SEPTIN6: variants seen among roughly 807,000 people sequenced by gnomAD.
SEPTIN6 encodes septin-6.
Under a neutral mutation model 33.6 loss-of-function variants are expected in SEPTIN6, and 8 were observed. That is an observed-to-expected ratio of 0.24 (90% CI 0.14 to 0.43). SEPTIN6 has a LOEUF of 0.43. SEPTIN6 is among the 20% of genes least tolerant of loss of function. The pLI, the probability that SEPTIN6 is intolerant of heterozygous loss-of-function variation, is 1.00. For synonymous variants in SEPTIN6, 131 were observed against 140.0 expected (o/e 0.94, Z 0.45); for missense variants, 250 against 340.8 (o/e 0.73, Z 2.10).
intron 3 of SEPTIN6, among the ~76,000 whole-genome samples, chrX:119,658,612 C>T (rs2054491414): frequency 8.9e-6 from 1 of 112,069 alleles, no homozygotes; most frequent in African/African-American, 3.2e-5. Context: ...ATAGATACTG[C>T]CAAATTTGCC....
chrX:119,691,754 CT>C (rs1228965542), intron 1 of SEPTIN6, among the ~76,000 whole-genome samples: 4 of 110,855 alleles, frequency 3.6e-5, no homozygotes, highest in Admixed American at 2.9e-4. Context: ...TACCTAGAGG[CT>C]TTTTTTTTGT....
In SEPTIN6 at chrX:119,618,657, G is replaced by A. The variant is rs1221639271; in HGVS notation, c.*1436C>T. ...GCTTGAAGTACATGGCAGGATAGGGGTGGGGGGCCTCGCTGCCTGGCACCC... is the reference window on the plus strand; with the variant it reads ...GCTTGAAGTACATGGCAGGATAGGGATGGGGGGCCTCGCTGCCTGGCACCC... On this transcript the variant is annotated 3_prime_UTR_variant, in exon 11 of 11. Transcript: ENST00000394610. 7.7e-6 allele frequency: 9 copies of A among 1,173,373 alleles called. No homozygotes were observed. In the East Asian group the frequency reaches 1.2e-4, roughly 16 times the overall value.
chrX:119,658,227 C>A (rs967712004), intron 3 of SEPTIN6, among the ~76,000 whole-genome samples: 4 of 112,289 alleles, frequency 3.6e-5, no homozygotes, highest in Non-Finnish European at 7.5e-5. Context: ...CATCTACGCA[C>A]ATAAATAGAG....
chrX:119,620,169 G>T (rs2053725484), intron 10 of SEPTIN6, 118 bp from the exon 11 acceptor site: 2 of 571,951 alleles, frequency 3.5e-6, no homozygotes, highest in African/African-American at 4.7e-5. Flanking sequence ...ATATAGCTAT[G>T]TTAGATGGTC....
In SEPTIN6 at chrX:119,629,401, T is replaced by A. The variant is rs1303393531; in HGVS notation, c.1197A>T (p.Arg399Ser). 1.6e-5 allele frequency: 19 copies of A among 1,210,053 alleles called. No individual in the cohort carries two copies. Among genetic ancestry groups the A allele is most frequent in the Non-Finnish European group, 2.1e-5 (19 of 895,142 alleles). ...LDDEVNAFKQ[R>S]KTAAELLQSQ... ...ACTGGAGCAGCTCAGCCGCCGTCTT[T>A]CTTTGCTTGAAAGCATTCACTTCAT... The change falls in exon 9 of 11, where the codon AGA becomes AGT. Residue 399 changes from arginine to serine, a missense_variant. Physicochemically the swap from Arg to Ser is moderately radical, Grantham distance 110 (BLOSUM62 -1). Around this residue, in one of 2 missense-constraint regions of SEPTIN6, gnomAD observed 139 missense variants for 227.0 expected, o/e 0.61. Coordinates refer to ENST00000394610, the MANE Select transcript of SEPTIN6 (RefSeq NM_145799.4).
chrX:119,646,858 C>A, intron 5 of SEPTIN6: 1 of 227,653 alleles, frequency 4.4e-6, no homozygotes, highest in Non-Finnish European at 9.9e-6. Flanking sequence ...CAGCTTCATA[C>A]ACCACGGCTT....
intron 10 of SEPTIN6, among the ~76,000 whole-genome samples, chrX:119,622,817 A>T (rs190675551): frequency 2.8e-4 from 31 of 111,993 alleles, no homozygotes; most frequent in African/African-American, 9.7e-4. Context: ...TACATGTCAG[A>T]CACTTCACTA....
At chrX:119,672,453 A>G (rs1462997532) in intron 2 of SEPTIN6, among the ~76,000 whole-genome samples, 1 of 111,194 alleles carries the variant, frequency 9.0e-6, no homozygotes, top group Non-Finnish European at 1.9e-5. Flanking sequence ...ATATCAAATT[A>G]CCCTACACTT....
intron 3 of SEPTIN6, among the ~76,000 whole-genome samples, chrX:119,659,781 G>A (rs1398885945): frequency 8.9e-6 from 1 of 111,862 alleles, no homozygotes; most frequent in Non-Finnish European, 1.9e-5. Context: ...TTTGAACCCA[G>A]GTCTGAGACC....
At chrX:119,639,212 T>C (rs2054113205) in intron 6 of SEPTIN6, among the ~76,000 whole-genome samples, 1 of 112,044 alleles carries the variant, frequency 8.9e-6, no homozygotes, top group South Asian at 3.7e-4. Context: ...GTATGTGATG[T>C]GGACAACTCG....
intron 2 of SEPTIN6, among the ~76,000 whole-genome samples, chrX:119,672,514 A>G (rs1372897055): frequency 1.8e-5 from 2 of 111,937 alleles, no homozygotes; most frequent in Non-Finnish European, 3.8e-5. Context: ...CTAAAGCTTT[A>G]CTAGCCCACC....
intron 1 of SEPTIN6, among the ~76,000 whole-genome samples, chrX:119,676,782 A>G (rs925483718): frequency 4.5e-5 from 5 of 111,146 alleles, no homozygotes; most frequent in African/African-American, 1.6e-4. Flanking sequence ...AAAAAAAAGC[A>G]ATTGTTCCTC....
chrX:119,661,000 C>T (rs1314752019), intron 3 of SEPTIN6, among the ~76,000 whole-genome samples: 1 of 89,359 alleles, frequency 1.1e-5, no homozygotes, highest in Non-Finnish European at 2.1e-5. Flanking sequence ...TGAGATTGTG[C>T]CACTGCACTT....
At chrX:119,645,628 C>T (rs1403085014) in intron 5 of SEPTIN6, among the ~76,000 whole-genome samples, 1 of 111,132 alleles carries the variant, frequency 9.0e-6, no homozygotes, top group African/African-American at 3.3e-5. Context: ...AACTCCCGAC[C>T]TCAGGTGATC....
At chrX:119,634,029 A>G (rs2054013093) in intron 7 of SEPTIN6, among the ~76,000 whole-genome samples, 1 of 112,025 alleles carries the variant, frequency 8.9e-6, no homozygotes. Context: ...CAAGGAACTC[A>G]TGGTCTAGTG....
At chrX:119,663,453 A>T (rs1330900713) in intron 3 of SEPTIN6, 29 bp downstream of exon 3, 1 of 293,597 alleles carries the variant, frequency 3.4e-6, no homozygotes, top group African/African-American at 4.1e-5. Context: ...CAACCTCCCC[A>T]CCCTACCCCA....
intron 5 of SEPTIN6, among the ~76,000 whole-genome samples, chrX:119,647,969 T>TTTTTTTTTTTTTGAGACGG (rs2054293290): frequency 1.9e-5 from 2 of 103,136 alleles, no homozygotes; most frequent in African/African-American, 7.7e-5. Flanking sequence ...TAATTTTTTT[T>TTTTTTTTTTTTTGAGACGG]AAATTTCAGT....
chrX:119,677,394 A>G (rs1334171754), intron 1 of SEPTIN6, among the ~76,000 whole-genome samples: 1 of 112,260 alleles, frequency 8.9e-6, no homozygotes, highest in East Asian at 2.8e-4. Context: ...CAACGGCCAC[A>G]GGGGAGGGGA....
intron 1 of SEPTIN6, among the ~76,000 whole-genome samples, chrX:119,691,763 T>G (rs2055176599): frequency 8.9e-6 from 1 of 112,679 alleles, no homozygotes; most frequent in African/African-American, 3.2e-5. Context: ...GCTTTTTTTT[T>G]GTACTGTAGT....
Sources: gnomAD v4.1 joint callset for allele counts (sites outside exome capture counted in the v4.1 genomes callset) on GRCh38, gnomAD v4.1.1 for gene constraint, gnomAD v4.1.1 regional missense constraint, MANE v1.5 for transcripts, NCBI Gene and HGNC (gene_info 2026-07-23, HGNC 2026-07-21) for gene names.